Variants in SCN10A observed in about 807,000 individuals in gnomAD.
SCN10A encodes sodium voltage-gated channel alpha subunit 10.
In SCN10A, 162 loss-of-function variants were observed where a neutral mutation model predicts 170.7. The ratio of observed to expected loss-of-function variants is 0.95; its 90% CI spans 0.84 to 1.08. The LOEUF (loss-of-function observed/expected upper bound fraction) is 1.08, where lower values mean the gene tolerates loss of function less well. SCN10A is among the 50% of genes least tolerant of loss of function. SCN10A has a pLI of 0.00. For missense variants in SCN10A, 2,527 were observed against 2,436.9 expected (o/e 1.04, Z -0.78); for synonymous variants, 985 against 904.6 (o/e 1.09, Z -1.59).
chr3:38,722,631 T>A (rs2063405994), intron 19 of SCN10A, among the ~76,000 whole-genome samples: 1 of 152,216 alleles, frequency 6.6e-6, no homozygotes, highest in Non-Finnish European at 1.5e-5. Flanking sequence ...CCCACTCTGA[T>A]GTTTTTCCTA....
intron 17 of SCN10A, among the ~76,000 whole-genome samples, chr3:38,725,627 G>A (rs979363993): frequency 6.6e-6 from 1 of 152,270 alleles, no homozygotes; most frequent in Non-Finnish European, 1.5e-5. Context: ...CTGTTTTGAT[G>A]ACTAAATATG....
intron 26 of SCN10A, 107 bp downstream of exon 26, chr3:38,707,172 C>T: frequency 8.3e-7 from 1 of 1,199,196 alleles, no homozygotes; most frequent in Non-Finnish European, 1.2e-6. Context: ...CAACCCAGAT[C>T]TTCTCTTCCA....
At chr3:38,795,143 C>G (rs2126062573) in intron 1 of SCN10A, among the ~76,000 whole-genome samples, 1 of 152,144 alleles carries the variant, frequency 6.6e-6, no homozygotes, top group Admixed American at 6.5e-5. Flanking sequence ...GGTCTTCCCT[C>G]CTCTCTCCTG....
At chr3:38,751,830 G>A (rs766966889) in intron 12 of SCN10A, among the ~76,000 whole-genome samples, 1 of 152,198 alleles carries the variant, frequency 6.6e-6, no homozygotes, top group Non-Finnish European at 1.5e-5. Context: ...CATTTGCCCA[G>A]CCTAGAAGAG....
At chr3:38,815,551 AC>A (rs1191271169) in intron 1 of SCN10A, among the ~76,000 whole-genome samples, 1 of 152,166 alleles carries the variant, frequency 6.6e-6, no homozygotes, top group East Asian at 1.9e-4. Context: ...TTAGGACAAA[AC>A]GTCTTGCTGA....
At chr3:38,753,211 G>A (rs368652459) in intron 11 of SCN10A, among the ~76,000 whole-genome samples, 4 of 152,310 alleles carry the variant, frequency 2.6e-5, no homozygotes, top group Admixed American at 6.5e-5. Context: ...GAACTGTGTG[G>A]CTTAAAGTTG....
At chr3:38,732,778 A>G (rs2063524102) in intron 15 of SCN10A, among the ~76,000 whole-genome samples, 1 of 152,224 alleles carries the variant, frequency 6.6e-6, no homozygotes, top group Non-Finnish European at 1.5e-5. Flanking sequence ...GTCAGTTGTA[A>G]TTGGCTATGT....
chr3:38,808,258 TC>T (rs2064418072), intron 1 of SCN10A, among the ~76,000 whole-genome samples: 2 of 152,176 alleles, frequency 1.3e-5, no homozygotes, highest in South Asian at 2.1e-4. Context: ...TTTCTCTCTC[TC>T]TCAGCAATGC....
At chr3:38,710,540 C>T (rs1368443045) in intron 24 of SCN10A, among the ~76,000 whole-genome samples, 1 of 152,172 alleles carries the variant, frequency 6.6e-6, no homozygotes, top group Admixed American at 6.5e-5. Flanking sequence ...TGCTTTGCTC[C>T]CACCCTTGTC....
chr3:38,783,125 T>C (rs767236606), intron 4 of SCN10A, among the ~76,000 whole-genome samples: 3 of 152,118 alleles, frequency 2.0e-5, no homozygotes, highest in African/African-American at 7.2e-5. Flanking sequence ...CTCTTGTGAC[T>C]TCATTTAACC....
At chr3:38,814,722 A>G (rs1276263062) in intron 1 of SCN10A, among the ~76,000 whole-genome samples, 1 of 152,202 alleles carries the variant, frequency 6.6e-6, no homozygotes. Flanking sequence ...TACTATTATC[A>G]CTACCATTAT....
In SCN10A at chr3:38,756,102, C is replaced by T. The variant is rs974256607; in HGVS notation, c.1291-144G>A. ...GGACCAGGGTGGTGGTGGGATTAGG[C>T]CATGGCAGGAACAGACACCTCGGGT... On this transcript the variant is annotated intron_variant, in intron 10 of 27. Transcript: ENST00000449082. 86 of 836,450 alleles carry T rather than the reference C, an allele frequency of 1.0e-4. No homozygotes were observed. In the Middle Eastern group the frequency reaches 1.1e-3, roughly 10 times the overall value. 51.8% of individuals were successfully genotyped at this position (836,450 alleles called of 1,614,324 possible).
rs375940201 is a variant in SCN10A, at chr3:38,709,432, G to T, written c.4281+46C>A. ...GCTGGGCAGGGAACAGGAAATATAA[G>T]GCTTACCACTACAGCAGAAACCAGA... On this transcript the variant is annotated intron_variant, in intron 25 of 27. Coordinates refer to ENST00000449082, the MANE Select transcript of SCN10A (RefSeq NM_006514.4). The T allele has an allele frequency of 2.6e-5, 40 of 1,564,702 alleles. No individual in the cohort carries two copies. The African/African-American group carries it at 5.2e-4, about 20-fold the overall frequency.
At chr3:38,722,128 C>A in intron 20 of SCN10A, 130 bp downstream of exon 20, 1 of 898,986 alleles carries the variant, frequency 1.1e-6, no homozygotes, top group African/African-American at 1.7e-5. Context: ...TGCAGCTCTC[C>A]TTCTAGTGAC....
rs765230695 is a variant in SCN10A, at chr3:38,713,987, G to T, written c.3775C>A (p.Arg1259=). The change falls in exon 22 of 28, where the codon CGG becomes AGG. Residue 1259 remains arginine (R), a synonymous_variant. Transcript: ENST00000449082. ...ATGCCTTCAAATCGAGAAAGAGCCC[G>T]CAGTGGCCGCAGAGCGCGAAGGGTT... ...LRTLRALRPL[R]ALSRFEGMRV... 21 of 1,613,782 alleles carry T rather than the reference G, an allele frequency of 1.3e-5. No homozygotes were observed. In the South Asian group the frequency reaches 2.0e-4, roughly 15 times the overall value.
intron 24 of SCN10A, among the ~76,000 whole-genome samples, chr3:38,709,884 A>T (rs2063253715): frequency 1.3e-5 from 2 of 152,140 alleles, no homozygotes; most frequent in South Asian, 4.2e-4. Flanking sequence ...ATGCAGGATT[A>T]TATCACCAAG....
At position 38,714,409 on chromosome 3, in the gene SCN10A, A is replaced by G. The variant is rs61014925; in HGVS notation, c.3682-329T>C. Among the ~76,000 whole-genome samples, 32,999 of 152,178 alleles carry G rather than the reference A, an allele frequency of 0.22. 4,059 individuals are homozygous for G. Among genetic ancestry groups the G allele is most frequent in the East Asian group, 0.4 (2,092 of 5,168 alleles). ...CTTCTAGGGGCAGCAGTCAGGCCTC[A>G]ACAACCTTGAAACTGATTTTCAGAG... On this transcript the variant is annotated intron_variant, in intron 21 of 27. Coordinates refer to ENST00000449082, the MANE Select transcript of SCN10A (RefSeq NM_006514.4).
In SCN10A at chr3:38,728,845, G is replaced by C; in HGVS notation, c.2337C>G (p.Ile779Met). The change falls in exon 16 of 28, where the codon ATC (isoleucine) becomes ATG (methionine). Residue 779 changes from isoleucine (I) to methionine (M), a missense_variant. Physicochemically the swap from Ile to Met is conservative, Grantham distance 10. Coordinates refer to ENST00000449082, the MANE Select transcript of SCN10A (RefSeq NM_006514.4). The part of the protein sequence containing the change: ...SWPTLNTLIK[I>M]IGNSVGALGN... ...CCAGTGCCCCCACTGAGTTTCCGAT[G>C]ATCTTGATGAGTGTGTTTAAGGTGG... 1 of 1,614,172 alleles carries C rather than the reference G, an allele frequency of 6.2e-7. No individual in the cohort carries two copies. Among genetic ancestry groups the C allele is most frequent in the East Asian group, 2.2e-5 (1 of 44,880 alleles).
intron 4 of SCN10A, among the ~76,000 whole-genome samples, chr3:38,774,159 T>C (rs192487302): frequency 6.6e-6 from 1 of 152,294 alleles, no homozygotes; most frequent in East Asian, 1.9e-4. Flanking sequence ...TTTAGGAATC[T>C]ATATCTGGTT....
Sources: allele counts gnomAD v4.1 joint callset (sites outside exome capture counted in the v4.1 genomes callset), GRCh38; gene constraint gnomAD v4.1.1; transcripts MANE v1.5; gene names NCBI Gene and HGNC (gene_info 2026-07-23, HGNC 2026-07-21).